CCDC63: variants seen among roughly 807,000 people sequenced by gnomAD.
CCDC63 encodes coiled-coil domain-containing protein 63.
In CCDC63, 54 loss-of-function variants were observed where a neutral mutation model predicts 63.6. The observed-to-expected ratio is 0.85, with a 90% CI of 0.68 to 1.07. CCDC63 has a LOEUF of 1.07. Ranked by LOEUF, CCDC63 falls within the 50% of genes least tolerant of loss-of-function variation. CCDC63 has a pLI of 0.00. For missense variants in CCDC63, 637 were observed against 689.6 expected, an observed-to-expected ratio of 0.92 and a Z score of 0.86; for synonymous variants, 253 against 266.1, an observed-to-expected ratio of 0.95 and a Z score of 0.48.
chr12:110,865,286 C>T (rs1246675433), intron 4 of CCDC63, among the ~76,000 whole-genome samples: 1 of 152,044 alleles, frequency 6.6e-6, no homozygotes, highest in Non-Finnish European at 1.5e-5. Context: ...GCCTAAAATC[C>T]ATCTTTCATC....
Position 110,881,256 on chromosome 12 carries a change from T to C in CCDC63, c.813T>C (p.Asn271=). ...KLKSFLLVKL[N]DRNEFEEQAK... is the part of the protein sequence containing the mutation. Reference sequence around the variant, plus strand: ...AGTCCTTCCTGCTCGTCAAGCTGAATGATCGCAATGAATTCGAGGAGCAGG... The same window carrying C: ...AGTCCTTCCTGCTCGTCAAGCTGAACGATCGCAATGAATTCGAGGAGCAGG... The change falls in exon 7 of 12, where the codon AAT becomes AAC. Residue 271 remains asparagine (N), a synonymous_variant. Coordinates refer to ENST00000308208, the MANE Select transcript of CCDC63 (RefSeq NM_152591.3). The C allele has an allele frequency of 3.1e-6, 5 of 1,613,838 alleles. No homozygotes were observed. The highest frequency in any genetic ancestry group is 4.2e-6 in the Non-Finnish European group (5 of 1,179,884).
intron 8 of CCDC63, among the ~76,000 whole-genome samples, chr12:110,892,806 G>A (rs1261855800): frequency 4.9e-5 from 7 of 143,298 alleles, no homozygotes; most frequent in Non-Finnish European, 7.6e-5. Context: ...GCATCGCAGC[G>A]AGACTTCATC....
intron 8 of CCDC63, among the ~76,000 whole-genome samples, chr12:110,892,567 A>G: frequency 6.6e-6 from 1 of 152,102 alleles, no homozygotes; most frequent in East Asian, 1.9e-4. Flanking sequence ...TTGTTCTAGA[A>G]TTTTCCAGAA....
chr12:110,901,770 T>A (rs1158043763), intron 10 of CCDC63, among the ~76,000 whole-genome samples: 1 of 152,174 alleles, frequency 6.6e-6, no homozygotes, highest in Non-Finnish European at 1.5e-5. Context: ...CTCATTCTTT[T>A]TTTGTACATA....
chr12:110,880,699 G>GGCA (rs1404198067), intron 6 of CCDC63, among the ~76,000 whole-genome samples: 2 of 102 alleles, frequency 0.02, no homozygotes, highest in East Asian at 0.17. Context: ...TGGTAATGAT[G>GGCA]GTGATATGGT....
At chr12:110,881,948 C>A (rs150879361) in intron 7 of CCDC63, among the ~76,000 whole-genome samples, 1,628 of 152,248 alleles carry the variant, frequency 0.011, 18 homozygotes, top group South Asian at 0.051. Context: ...TCATCTGGGA[C>A]TCTCTTTCTA....
chr12:110,846,700 AC>A (rs761722094), upstream of CCDC63: 16 of 152,344 alleles, frequency 1.1e-4, no homozygotes, highest in Middle Eastern at 3.1e-3. Flanking sequence ...GGCGAGGTGG[AC>A]CAGCGATTGC....
intron 9 of CCDC63, among the ~76,000 whole-genome samples, chr12:110,893,867 G>A (rs771422890): frequency 7.9e-5 from 12 of 151,924 alleles, no homozygotes; most frequent in South Asian, 2.1e-4. Flanking sequence ...TGGTAGTGGC[G>A]CACACCTGTA....
intron 11 of CCDC63, 68 bp downstream of exon 11, chr12:110,904,859 G>T (rs568942097): frequency 2.2e-5 from 29 of 1,290,414 alleles, no homozygotes; most frequent in Non-Finnish European, 2.6e-5. Context: ...TGGGGAGACC[G>T]TGTCCAGGTG....
chr12:110,852,080 A>AAATC (rs1363140182), intron 1 of CCDC63, among the ~76,000 whole-genome samples: 2 of 152,128 alleles, frequency 1.3e-5, no homozygotes, highest in African/African-American at 4.8e-5. Context: ...AAAGGATGTG[A>AAATC]TGTGTGGGAT....
intron 3 of CCDC63, among the ~76,000 whole-genome samples, 200 bp downstream of exon 3, chr12:110,853,774 T>G (rs1162895144): frequency 6.6e-6 from 1 of 152,144 alleles, no homozygotes; most frequent in African/African-American, 2.4e-5. Flanking sequence ...GAGGGGGAAT[T>G]TCTTGTCAGA....
At chr12:110,902,013 T>C (rs942233278) in intron 10 of CCDC63, among the ~76,000 whole-genome samples, 21 of 152,106 alleles carry the variant, frequency 1.4e-4, no homozygotes, top group Non-Finnish European at 2.6e-4. Context: ...GTATGTTTAA[T>C]AGAGATGGGG....
intron 4 of CCDC63, among the ~76,000 whole-genome samples, chr12:110,868,626 C>T (rs917285731): frequency 6.6e-6 from 1 of 151,116 alleles, no homozygotes; most frequent in African/African-American, 2.4e-5. Flanking sequence ...CAGACTGAGG[C>T]AGGAGAATCA....
At chr12:110,847,414 G>T (rs2070651288) in intron 1 of CCDC63, among the ~76,000 whole-genome samples, 1 of 151,886 alleles carries the variant, frequency 6.6e-6, no homozygotes, top group African/African-American at 2.4e-5. Flanking sequence ...ACTTAGCCGG[G>T]CGTGGTGGTG....
intron 10 of CCDC63, among the ~76,000 whole-genome samples, chr12:110,904,306 A>C (rs973255874): frequency 1.3e-5 from 2 of 151,326 alleles, no homozygotes; most frequent in South Asian, 2.1e-4. Context: ...ATGCCACTGC[A>C]CTTCAGCCTG....
intron 4 of CCDC63, among the ~76,000 whole-genome samples, chr12:110,869,865 A>G (rs1462557272): frequency 2.6e-5 from 4 of 152,206 alleles, no homozygotes; most frequent in African/African-American, 9.7e-5. Context: ...CAACCAAGAG[A>G]GGCTTTGACC....
rs1396329327 is a variant in CCDC63, at chr12:110,889,137, T to C, written c.1075-3939T>C. Among the ~76,000 whole-genome samples, 2 of 152,136 alleles carry C rather than the reference T, an allele frequency of 1.3e-5. No individual in the cohort carries two copies. Among genetic ancestry groups the C allele is most frequent in the Non-Finnish European group, 2.9e-5 (2 of 68,020 alleles). ...GTAACATAGTTATTATCATATAAAG[T>C]TGTGTATCTGATTGAAGCAAATGTC... is the stretch of plus-strand genomic sequence containing the variant. On this transcript the variant is annotated intron_variant, in intron 8 of 11. Coordinates refer to ENST00000308208, the MANE Select transcript of CCDC63 (RefSeq NM_152591.3). The surrounding 1 kb of genome is among the most constrained non-coding windows in gnomAD (Gnocchi z 4.1).
intron 10 of CCDC63, 34 bp downstream of exon 10, chr12:110,899,159 A>G (rs1555256140): frequency 1.3e-6 from 2 of 1,572,892 alleles, no homozygotes; most frequent in Non-Finnish European, 1.7e-6. Context: ...GAGTCTTAGG[A>G]AACATTTCCA....
intron 4 of CCDC63, among the ~76,000 whole-genome samples, chr12:110,867,106 G>C (rs544301746): frequency 7.1e-6 from 1 of 141,460 alleles, no homozygotes; most frequent in Non-Finnish European, 1.6e-5. Context: ...CAGACGGGGC[G>C]GCTGGCCGGG....
Sources: allele counts gnomAD v4.1 joint callset (sites outside exome capture counted in the v4.1 genomes callset), GRCh38; gene constraint gnomAD v4.1.1; non-coding constraint Gnocchi (gnomAD v3.1); transcripts MANE v1.5; gene names NCBI Gene and HGNC (gene_info 2026-07-23, HGNC 2026-07-21).